Variants in COPZ1 observed in about 807,000 individuals in gnomAD.
COPZ1 encodes the protein coat protein complex I subunit zeta 1.
In COPZ1, 4 loss-of-function variants were observed where a neutral mutation model predicts 31.7. That is an observed-to-expected ratio of 0.13 (90% confidence interval 0.06 to 0.29). The LOEUF is 0.29. Among genes scored for constraint, COPZ1 ranks in the 10% least tolerant of loss-of-function variants. The probability of loss-of-function intolerance (pLI) is 1.00; values close to 1 mark genes in which losing one functional copy is unlikely to be tolerated. For synonymous variants in COPZ1, 74 were observed against 79.0 expected (o/e 0.94, Z 0.33); for missense variants, 156 against 211.5 (o/e 0.74, Z 1.63).
At chr12:54,348,127 T>C (rs931364209) in intron 7 of COPZ1, 76 bp downstream of exon 7, 3 of 1,370,864 alleles carry the variant, frequency 2.2e-6, no homozygotes, top group Non-Finnish European at 3.1e-6. Context: ...GCTGGATGTG[T>C]CCAGTAGTTG....
intron 1 of COPZ1, among the ~76,000 whole-genome samples, chr12:54,335,513 A>T (rs1420520615): frequency 2.0e-5 from 3 of 151,710 alleles, no homozygotes; most frequent in African/African-American, 7.3e-5. Flanking sequence ...GGTATAAGCG[A>T]TTCTCCTGCC....
At chr12:54,326,598 A>T (rs1392139453) in intron 1 of COPZ1, among the ~76,000 whole-genome samples, 1 of 150,236 alleles carries the variant, frequency 6.7e-6, no homozygotes, top group Admixed American at 6.7e-5. Context: ...GAACTGGACC[A>T]GAGAATTTCT....
chr12:54,327,125 C>G (rs1953670151), intron 1 of COPZ1, among the ~76,000 whole-genome samples: 1 of 150,436 alleles, frequency 6.6e-6, no homozygotes, highest in African/African-American at 2.5e-5. Context: ...GGGTTACAGG[C>G]ACGCGCCACC....
intron 4 of COPZ1, among the ~76,000 whole-genome samples, chr12:54,343,571 G>A (rs1954009802): frequency 6.6e-6 from 1 of 152,204 alleles, no homozygotes; most frequent in Admixed American, 6.5e-5. Flanking sequence ...TCCCTGAGTA[G>A]TGTTTTTTAA....
chr12:54,332,074 C>T (rs2137088272), intron 1 of COPZ1, among the ~76,000 whole-genome samples: 1 of 152,280 alleles, frequency 6.6e-6, no homozygotes, highest in East Asian at 1.9e-4. Context: ...GCCTGTAATC[C>T]AGCACTTTGG....
chr12:54,345,668 T>C (rs1954048791), intron 5 of COPZ1, among the ~76,000 whole-genome samples, 153 bp downstream of exon 5: 1 of 152,042 alleles, frequency 6.6e-6, no homozygotes, highest in Non-Finnish European at 1.5e-5. Context: ...GTTTTAGAAG[T>C]TGGGTTTTGC....
intron 2 of COPZ1, 147 bp from the exon 3 acceptor site, chr12:54,342,059 A>AC (rs1953980783): frequency 3.2e-6 from 2 of 628,860 alleles, no homozygotes; most frequent in South Asian, 3.9e-5. Flanking sequence ...CTCTGCCTCT[A>AC]CAATCCTTCC....
chr12:54,348,714 G>A (rs553808049), intron 7 of COPZ1, among the ~76,000 whole-genome samples: 108 of 152,186 alleles, frequency 7.1e-4, no homozygotes, highest in Non-Finnish European at 1.2e-3. Flanking sequence ...TCCAGCCTGG[G>A]CGACAGAGTG....
At chr12:54,344,448 G>A (rs927796093) in intron 4 of COPZ1, among the ~76,000 whole-genome samples, 11 of 152,226 alleles carry the variant, frequency 7.2e-5, no homozygotes, top group African/African-American at 2.6e-4. Context: ...GCGTGGTGCG[G>A]GCACCTGTAG....
chr12:54,333,313 G>C (rs1222646864), intron 1 of COPZ1, among the ~76,000 whole-genome samples: 1 of 152,094 alleles, frequency 6.6e-6, no homozygotes, highest in Non-Finnish European at 1.5e-5. Context: ...CTCCCAAAGT[G>C]CTGGTATTAC....
At chr12:54,331,490 T>C (rs1018477696) in intron 1 of COPZ1, among the ~76,000 whole-genome samples, 4 of 152,086 alleles carry the variant, frequency 2.6e-5, no homozygotes, top group Non-Finnish European at 5.9e-5. Context: ...ATTTTCTCAC[T>C]CTCAATGCAG....
At chr12:54,342,561 C>T in intron 3 of COPZ1, 1 of 462,356 alleles carries the variant, frequency 2.2e-6, no homozygotes, top group South Asian at 2.3e-5. Flanking sequence ...GCTTATTGTA[C>T]CGCATCCATT....
At chr12:54,331,143 C>G (rs2137086775) in intron 1 of COPZ1, among the ~76,000 whole-genome samples, 1 of 131,630 alleles carries the variant, frequency 7.6e-6, no homozygotes, top group South Asian at 2.6e-4. Context: ...ATGAAGCCTG[C>G]TTTTTTATTT....
Position 54,343,213 on chromosome 12 carries a change from T to C in COPZ1, c.170-12T>C, listed in dbSNP as rs1954005146. On this transcript the variant is annotated splice_polypyrimidine_tract_variant and intron_variant, in intron 3 of 8. Coordinates refer to ENST00000262061, the MANE Select transcript of COPZ1 (RefSeq NM_016057.3). The stretch of plus-strand genomic sequence containing the variant: ...AAGCCACCCACTATTTTTACTTTTT[T>C]TCCCCCACCAGGTGAAATTGCCCTC... 1 of 1,610,364 alleles carries C rather than the reference T, an allele frequency of 6.2e-7. No homozygotes were observed. The highest frequency in any genetic ancestry group is 2.2e-5 in the East Asian group (1 of 44,878).
intron 2 of COPZ1, 128 bp from the exon 3 acceptor site, chr12:54,342,078 G>C (rs539289083): frequency 1.5e-6 from 1 of 659,612 alleles, no homozygotes; most frequent in Admixed American, 2.6e-5. Flanking sequence ...CCTTTTCCAT[G>C]TCAGTATTTC....
At chr12:54,347,078 T>C (rs943174643) in intron 5 of COPZ1, among the ~76,000 whole-genome samples, 1 of 152,168 alleles carries the variant, frequency 6.6e-6, no homozygotes, top group Middle Eastern at 3.2e-3. Context: ...CAGCAGGCAC[T>C]CTCAGCCCTG....
intron 1 of COPZ1, among the ~76,000 whole-genome samples, chr12:54,328,147 G>C (rs1953687926): frequency 6.6e-6 from 1 of 150,690 alleles, no homozygotes; most frequent in Non-Finnish European, 1.5e-5. Flanking sequence ...GTGGTGGCAC[G>C]AGCCTATAGT....
chr12:54,345,329 C>A, intron 4 of COPZ1, 131 bp from the exon 5 acceptor site: 1 of 614,696 alleles, frequency 1.6e-6, no homozygotes, highest in South Asian at 2.1e-5. Flanking sequence ...GCTCTCACTT[C>A]CACTTTATGT....
Position 54,342,181 on chromosome 12 carries a change from C to T in COPZ1, c.88-25C>T, listed in dbSNP as rs971447854. The T allele has an allele frequency of 4.4e-6, 7 of 1,574,690 alleles. No individual in the cohort carries two copies. In the African/African-American group the frequency reaches 5.4e-5, roughly 12 times the overall value. On this transcript the variant is annotated intron_variant, in intron 2 of 8. Transcript: ENST00000262061. ...CTGGCTTCCAGCTCTAGTGACCCAA[C>T]CCTGTCTTCTTTCCCTCTGACCAGT...
Sources: allele counts gnomAD v4.1 joint callset (sites outside exome capture counted in the v4.1 genomes callset), GRCh38; gene constraint gnomAD v4.1.1; transcripts MANE v1.5; gene names NCBI Gene and HGNC (gene_info 2026-07-23, HGNC 2026-07-21).